ZNF438: variants seen among roughly 807,000 people sequenced by gnomAD.
ZNF438 encodes zinc finger protein 438.
A neutral mutation model predicts 38.0 loss-of-function variants in ZNF438; 25 were observed. That is an observed-to-expected ratio of 0.66 (90% CI 0.48 to 0.92). ZNF438 has a LOEUF of 0.92. ZNF438 is among the 40% of genes least tolerant of loss of function. The probability of loss-of-function intolerance (pLI) is 0.00; values close to 1 mark genes in which losing one functional copy is unlikely to be tolerated. For synonymous variants in ZNF438, 372 were observed against 364.1 expected (o/e 1.02, Z -0.25); for missense variants, 1,007 against 999.6 (o/e 1.01, Z -0.10).
rs551830587 is a variant in ZNF438, at chr10:30,875,886, C to T, written c.37+1112G>A. On this transcript the variant is annotated intron_variant, in intron 4 of 5. Transcript: ENST00000413025. ...GACCAGTCTCAAAGATGAGGATGTC[C>T]CAGATATTAATAATAGCCATTGAGA... 5.9e-5 allele frequency among the ~76,000 whole-genome samples: 9 copies of T among 152,330 alleles called. No individual in the cohort carries two copies. In the South Asian group the frequency reaches 1.9e-3, roughly 32 times the overall value.
chr10:30,892,609 AAAAG>A (rs2040836431), intron 3 of ZNF438, among the ~76,000 whole-genome samples: 1 of 152,146 alleles, frequency 6.6e-6, no homozygotes, highest in Non-Finnish European at 1.5e-5. Context: ...AGCACTAAAA[AAAAG>A]AGAATAAATT....
At chr10:30,911,321 T>TG (rs2043059153) in intron 2 of ZNF438, among the ~76,000 whole-genome samples, 1 of 152,174 alleles carries the variant, frequency 6.6e-6, no homozygotes, top group Admixed American at 6.5e-5. Flanking sequence ...AAAAGCCAGT[T>TG]GAAGAGCCTT....
chr10:31,026,289 A>C (rs889458973), intron 1 of ZNF438, among the ~76,000 whole-genome samples: 7 of 152,172 alleles, frequency 4.6e-5, no homozygotes, highest in African/African-American at 1.4e-4. Context: ...AACTACCATA[A>C]AGAGTGAACA....
exon 6 of ZNF438, chr10:30,845,198 G>C: frequency 1.9e-6 from 3 of 1,614,164 alleles, no homozygotes; most frequent in South Asian, 2.2e-5. Flanking sequence ...TTGGCTTGTT[G>C]GTTCCTGACT....
intron 1 of ZNF438, among the ~76,000 whole-genome samples, chr10:30,969,145 A>T (rs960590924): frequency 6.6e-6 from 1 of 152,156 alleles, no homozygotes; most frequent in Non-Finnish European, 1.5e-5. Context: ...GCCACAGAGT[A>T]AGTCAAAAAA....
Position 31,022,768 on chromosome 10 carries a change from C to T in ZNF438, c.-192+9065G>A, listed in dbSNP as rs146716100. ...ATTGAGCTATGAAGTTTGCCTCATCCGCCATATTCACCTGACCTCTTGTCA... is the reference window on the plus strand; with the variant it reads ...ATTGAGCTATGAAGTTTGCCTCATCTGCCATATTCACCTGACCTCTTGTCA... On this transcript the variant is annotated intron_variant, in intron 1 of 5. Transcript: ENST00000413025. Among the ~76,000 whole-genome samples the T allele has an allele frequency of 4.6e-4, 70 of 152,280 alleles. No individual in the cohort carries two copies. In the East Asian group the frequency reaches 9.8e-3, roughly 21 times the overall value.
At chr10:31,011,944 C>T (rs2055742789) in intron 1 of ZNF438, among the ~76,000 whole-genome samples, 1 of 152,124 alleles carries the variant, frequency 6.6e-6, no homozygotes, top group South Asian at 2.1e-4. Flanking sequence ...CTCACTCACG[C>T]TCCCCAGTGC....
intron 1 of ZNF438, among the ~76,000 whole-genome samples, chr10:31,001,040 T>A (rs2054601632): frequency 6.6e-6 from 1 of 152,126 alleles, no homozygotes; most frequent in Non-Finnish European, 1.5e-5. Flanking sequence ...CCAGCCCTCT[T>A]AAGAAATAAC....
chr10:30,939,148 A>G (rs1030843584), intron 2 of ZNF438, among the ~76,000 whole-genome samples: 2 of 152,218 alleles, frequency 1.3e-5, no homozygotes, highest in Middle Eastern at 3.2e-3. Context: ...AGCATTGACC[A>G]CAGTATTAAG....
chr10:30,994,161 T>C (rs571187536), intron 1 of ZNF438, among the ~76,000 whole-genome samples: 222 of 152,326 alleles, frequency 1.5e-3, no homozygotes, highest in Non-Finnish European at 2.0e-3. Context: ...ACTTGGAACT[T>C]TGGGCTTTTG....
chr10:30,931,236 C>T (rs931251602), intron 2 of ZNF438, among the ~76,000 whole-genome samples: 2 of 152,150 alleles, frequency 1.3e-5, no homozygotes, highest in Non-Finnish European at 2.9e-5. Flanking sequence ...ACTGACCATG[C>T]CTGTCTGAAA....
At chr10:31,012,698 ACT>A (rs1295281912) in intron 1 of ZNF438, among the ~76,000 whole-genome samples, 1 of 151,540 alleles carries the variant, frequency 6.6e-6, no homozygotes, top group Non-Finnish European at 1.5e-5. Context: ...TCTCCACCTG[ACT>A]CTCTCTTTCC....
At chr10:30,923,669 CT>C (rs1223480275) in intron 2 of ZNF438, among the ~76,000 whole-genome samples, 1 of 152,214 alleles carries the variant, frequency 6.6e-6, no homozygotes, top group African/African-American at 2.4e-5. Flanking sequence ...TTATTTTCAT[CT>C]GCCAATTTGT....
intron 2 of ZNF438, among the ~76,000 whole-genome samples, chr10:30,936,696 T>C (rs1459658744): frequency 6.6e-6 from 1 of 152,056 alleles, no homozygotes; most frequent in Non-Finnish European, 1.5e-5. Flanking sequence ...ATTCATAGGA[T>C]GTGGAGATAT....
chr10:30,900,490 C>T (rs1353744014), intron 3 of ZNF438, among the ~76,000 whole-genome samples: 1 of 152,208 alleles, frequency 6.6e-6, no homozygotes, highest in Admixed American at 6.5e-5. Context: ...GGTACAACAG[C>T]AGCAGCAACT....
chr10:30,937,542 G>A (rs572503212), intron 2 of ZNF438, among the ~76,000 whole-genome samples: 4 of 152,210 alleles, frequency 2.6e-5, no homozygotes, highest in African/African-American at 9.6e-5. Flanking sequence ...TGAGTTAGAC[G>A]GGTACATGAG....
chr10:30,882,091 C>T (rs556389224), intron 3 of ZNF438, among the ~76,000 whole-genome samples: 16 of 152,032 alleles, frequency 1.1e-4, no homozygotes, highest in Non-Finnish European at 2.1e-4. Context: ...CAAAATTCTG[C>T]TCTTCAAAAG....
intron 1 of ZNF438, among the ~76,000 whole-genome samples, chr10:30,991,183 C>G (rs1360825964): frequency 6.6e-6 from 1 of 152,170 alleles, no homozygotes; most frequent in Non-Finnish European, 1.5e-5. Context: ...AAGGTCCGGT[C>G]AAGAATATGG....
At chr10:30,907,516 AAT>A (rs1401639779) in intron 3 of ZNF438, among the ~76,000 whole-genome samples, 8 of 152,098 alleles carry the variant, frequency 5.3e-5, no homozygotes, top group African/African-American at 1.9e-4. Flanking sequence ...TGAAGGGGGA[AAT>A]TTTTAAAATT....
Sources: gnomAD v4.1 joint callset for allele counts (sites outside exome capture counted in the v4.1 genomes callset) on GRCh38, gnomAD v4.1.1 for gene constraint, MANE v1.5 for transcripts, NCBI Gene and HGNC (gene_info 2026-07-23, HGNC 2026-07-21) for gene names.